The following SPTLC2 variants were observed in gnomAD, a reference collection of about 807,000 sequenced individuals.
SPTLC2 encodes the protein serine palmitoyltransferase 2.
SPTLC2 carries 21 observed loss-of-function variants against 62.0 expected under a neutral mutation model. That is an observed-to-expected ratio of 0.34 (90% CI 0.24 to 0.49). SPTLC2 has a LOEUF of 0.49. SPTLC2 is among the 20% of genes least tolerant of loss of function. The pLI, the probability that SPTLC2 is intolerant of heterozygous loss-of-function variation, is 0.99. For synonymous variants in SPTLC2, 261 were observed against 261.8 expected (o/e 1.00, Z 0.03); for missense variants, 511 against 713.0 (o/e 0.72, Z 3.23).
At chr14:77,529,428 C>CT (rs141532796) in intron 9 of SPTLC2, among the ~76,000 whole-genome samples, 5,998 of 151,488 alleles carry the variant, frequency 0.04, 134 homozygotes, top group Middle Eastern at 0.09. Context: ...TCTTAAAGAC[C>CT]TCTTACACAA....
intron 9 of SPTLC2, among the ~76,000 whole-genome samples, chr14:77,540,267 CA>C (rs1383576736): frequency 6.9e-6 from 1 of 144,026 alleles, no homozygotes; most frequent in Non-Finnish European, 1.5e-5. Context: ...GAAGATCAGA[CA>C]GCAATAAAGG....
In SPTLC2 at chr14:77,509,815, G is replaced by T. The variant is rs1295682769; in HGVS notation, c.*2469C>A. The T allele has an allele frequency of 2.5e-6, 1 of 398,090 alleles. No homozygotes were observed. The highest frequency in any genetic ancestry group is 4.4e-6 in the Non-Finnish European group (1 of 225,886). 24.7% of individuals were successfully genotyped at this position (398,090 alleles called of 1,614,324 possible). A position where few individuals can be genotyped will look rare whatever the true frequency, so the allele number is the denominator to read the frequency against. On this transcript the variant is annotated 3_prime_UTR_variant, in exon 12 of 12. Coordinates refer to ENST00000216484, the MANE Select transcript of SPTLC2 (RefSeq NM_004863.4). Reference sequence around the variant, plus strand: ...CAGAGGTCCTGCATAGATCACAGGAGATTTGTCTCTTCAAAATAAACTTGT... The same window carrying T: ...CAGAGGTCCTGCATAGATCACAGGATATTTGTCTCTTCAAAATAAACTTGT...
intron 8 of SPTLC2, among the ~76,000 whole-genome samples, chr14:77,552,543 T>C (rs915166548): frequency 2.0e-5 from 3 of 152,134 alleles, no homozygotes; most frequent in Admixed American, 6.5e-5. Context: ...TGGTGGCTCA[T>C]GCCTGTAATC....
chr14:77,518,921 C>G (rs1001875045), intron 10 of SPTLC2, among the ~76,000 whole-genome samples: 2 of 152,264 alleles, frequency 1.3e-5, no homozygotes, highest in Non-Finnish European at 2.9e-5. Context: ...TCAGACCACA[C>G]AATTCGTATT....
At chr14:77,574,170 G>A (rs2079700536) in intron 4 of SPTLC2, among the ~76,000 whole-genome samples, 1 of 152,118 alleles carries the variant, frequency 6.6e-6, no homozygotes, top group South Asian at 2.1e-4. Flanking sequence ...AGCAGCCACA[G>A]GAAACTAATA....
At chr14:77,550,983 T>C (rs886251359) in intron 9 of SPTLC2, among the ~76,000 whole-genome samples, 18 of 151,880 alleles carry the variant, frequency 1.2e-4, no homozygotes, top group Middle Eastern at 3.4e-3. Flanking sequence ...GCCACTTTAT[T>C]CGATGCAAGC....
chr14:77,575,059 A>C (rs1005707028), intron 4 of SPTLC2, among the ~76,000 whole-genome samples: 1 of 152,102 alleles, frequency 6.6e-6, no homozygotes, highest in African/African-American at 2.4e-5. Context: ...CTCTACAAAA[A>C]TCACATTAAA....
At chr14:77,559,967 T>C (rs1361797997) in intron 6 of SPTLC2, among the ~76,000 whole-genome samples, 2 of 151,820 alleles carry the variant, frequency 1.3e-5, no homozygotes, top group Non-Finnish European at 2.9e-5. Flanking sequence ...CAGTAAAAAA[T>C]AGAAACAATT....
intron 9 of SPTLC2, among the ~76,000 whole-genome samples, chr14:77,526,763 C>T (rs1453771195): frequency 6.6e-6 from 1 of 151,622 alleles, no homozygotes; most frequent in Non-Finnish European, 1.5e-5. Context: ...TATAAAAGAT[C>T]AATATGCTGT....
intron 1 of SPTLC2, among the ~76,000 whole-genome samples, chr14:77,598,509 A>C (rs1047348017): frequency 6.6e-6 from 1 of 152,244 alleles, no homozygotes; most frequent in Non-Finnish European, 1.5e-5. Flanking sequence ...ACACATTCTT[A>C]AAGCCACCCA....
chr14:77,611,977 CAAACTT>C (rs2140068100), intron 1 of SPTLC2, among the ~76,000 whole-genome samples: 1 of 152,212 alleles, frequency 6.6e-6, no homozygotes, highest in African/African-American at 2.4e-5. Flanking sequence ...GTCTTAAAGA[CAAACTT>C]AAGATAAATT....
At chr14:77,521,698 T>C in intron 9 of SPTLC2, 117 bp from the exon 10 acceptor site, 1 of 922,844 alleles carries the variant, frequency 1.1e-6, no homozygotes, top group Non-Finnish European at 1.7e-6. Context: ...TTTTTTTCCA[T>C]TTCACCATAA....
chr14:77,615,705 G>C (rs867803191), intron 1 of SPTLC2, among the ~76,000 whole-genome samples: 2 of 152,334 alleles, frequency 1.3e-5, no homozygotes, highest in African/African-American at 2.4e-5. Flanking sequence ...CTTGGTTGAT[G>C]ATTCAGCATG....
At chr14:77,574,192 T>C (rs1345419076) in intron 4 of SPTLC2, among the ~76,000 whole-genome samples, 3 of 152,098 alleles carry the variant, frequency 2.0e-5, no homozygotes, top group South Asian at 2.1e-4. Context: ...AACTGGAAAA[T>C]GACAGAGTTA....
At chr14:77,574,030 T>G (rs1479420604) in intron 4 of SPTLC2, among the ~76,000 whole-genome samples, 1 of 152,144 alleles carries the variant, frequency 6.6e-6, no homozygotes, top group Non-Finnish European at 1.5e-5. Context: ...CACCAGAAGC[T>G]AGGAAGGTTT....
intron 2 of SPTLC2, among the ~76,000 whole-genome samples, chr14:77,594,260 A>C (rs1426244367): frequency 1.3e-5 from 2 of 152,250 alleles, no homozygotes; most frequent in Non-Finnish European, 2.9e-5. Context: ...AAACTACTTA[A>C]GAATAAAATC....
intron 1 of SPTLC2, among the ~76,000 whole-genome samples, chr14:77,598,613 A>T (rs1484584537): frequency 6.6e-6 from 1 of 152,210 alleles, no homozygotes; most frequent in African/African-American, 2.4e-5. Context: ...CAAGTAAATC[A>T]TGCAAAAAAC....
chr14:77,598,627 G>C (rs1010498929), intron 1 of SPTLC2, among the ~76,000 whole-genome samples: 2 of 152,130 alleles, frequency 1.3e-5, no homozygotes, highest in Non-Finnish European at 2.9e-5. Flanking sequence ...AAAAAACTAA[G>C]ATGTTTATAT....
At position 77,616,479 on chromosome 14, in the gene SPTLC2, G is replaced by A. The variant is rs1274928675; in HGVS notation, c.101C>T (p.Ala34Val). The change falls in exon 1 of 12, where the codon GCT becomes GTT. Residue 34 changes from alanine to valine, a missense_variant. By Grantham distance (64) the Ala-to-Val change is moderately conservative (BLOSUM62 0). Coordinates refer to ENST00000216484, the MANE Select transcript of SPTLC2 (RefSeq NM_004863.4). ...GGCGGCGGCTGCGGCTGCGGCTGCA[G>A]CGCTGCTCCTCACGTACCCGTTCCG... ...EVRNGYVRSS[A>V]AAAAAAAAGQ... 2 of 1,521,570 alleles carry A rather than the reference G, an allele frequency of 1.3e-6. No homozygotes were observed. The highest frequency in any genetic ancestry group is 2.8e-5 in the African/African-American group (2 of 70,774). 94.3% of individuals were successfully genotyped at this position (1,521,570 alleles called of 1,614,324 possible).
Sources: gnomAD v4.1 joint callset for allele counts (sites outside exome capture counted in the v4.1 genomes callset) on GRCh38, gnomAD v4.1.1 for gene constraint, MANE v1.5 for transcripts, NCBI Gene and HGNC (gene_info 2026-07-23, HGNC 2026-07-21) for gene names.